SCG5: variants seen among roughly 807,000 people sequenced by gnomAD.
The protein encoded by SCG5 is secretogranin V.
A neutral mutation model predicts 25.7 loss-of-function variants in SCG5; 18 were observed. The ratio of observed to expected loss-of-function variants is 0.70; its 90% CI spans 0.48 to 1.04. The LOEUF (loss-of-function observed/expected upper bound fraction) is 1.04. Ranked by LOEUF, SCG5 falls within the 50% of genes least tolerant of loss-of-function variation. The probability of loss-of-function intolerance (pLI) is 0.00; values close to 1 mark genes in which losing one functional copy is unlikely to be tolerated. For missense variants in SCG5, 206 were observed against 259.8 expected (o/e 0.79, Z 1.42); for synonymous variants, 101 against 91.7 (o/e 1.10, Z -0.58).
intron 2 of SCG5, among the ~76,000 whole-genome samples, chr15:32,654,614 T>C (rs1001813624): frequency 4.6e-5 from 7 of 152,190 alleles, no homozygotes; most frequent in Middle Eastern, 3.2e-3. Context: ...TGATCCTCAC[T>C]CCTGGGCTCA....
chr15:32,696,206 CT>C (rs1440451573), intron 5 of SCG5, among the ~76,000 whole-genome samples: 3 of 152,156 alleles, frequency 2.0e-5, no homozygotes, highest in African/African-American at 7.2e-5. Context: ...CAAGCTCCGC[CT>C]CCCGGGTTCA....
intron 5 of SCG5, among the ~76,000 whole-genome samples, chr15:32,692,541 G>T (rs1025823415): frequency 6.6e-6 from 1 of 152,124 alleles, no homozygotes; most frequent in Non-Finnish European, 1.5e-5. Context: ...TAGTCAGAAG[G>T]GCCTGGCCAC....
At chr15:32,653,272 A>G (rs902144773) in intron 2 of SCG5, among the ~76,000 whole-genome samples, 2 of 152,228 alleles carry the variant, frequency 1.3e-5, no homozygotes, top group Admixed American at 1.3e-4. Flanking sequence ...TCTTTAGTCC[A>G]TTCCTTAAAT....
At chr15:32,673,972 G>C (rs904994204) in intron 2 of SCG5, among the ~76,000 whole-genome samples, 2 of 152,106 alleles carry the variant, frequency 1.3e-5, no homozygotes, top group Non-Finnish European at 2.9e-5. Flanking sequence ...ACCCGCCTCT[G>C]CCTCCCAAAG....
intron 5 of SCG5, among the ~76,000 whole-genome samples, chr15:32,692,466 T>C (rs1215818239): frequency 6.6e-6 from 1 of 152,166 alleles, no homozygotes; most frequent in Non-Finnish European, 1.5e-5. Flanking sequence ...CTTTCCAGGG[T>C]ATTTTATAGC....
At chr15:32,671,555 A>G (rs16964074) in intron 2 of SCG5, among the ~76,000 whole-genome samples, 31,777 of 151,950 alleles carry the variant, frequency 0.21, 3,545 homozygotes, top group African/African-American at 0.26. Context: ...TGTGGAGACA[A>G]TAGCGTGTGG....
chr15:32,645,803 A>G (rs1260757044), intron 2 of SCG5, among the ~76,000 whole-genome samples: 1 of 152,154 alleles, frequency 6.6e-6, no homozygotes, highest in Non-Finnish European at 1.5e-5. Flanking sequence ...CCTTGGAATA[A>G]TGTGCTTAAC....
At chr15:32,657,211 A>ATATATG (rs1555433850) in intron 2 of SCG5, among the ~76,000 whole-genome samples, 3 of 102,468 alleles carry the variant, frequency 2.9e-5, no homozygotes, top group African/African-American at 1.0e-4. Flanking sequence ...ATATATATAT[A>ATATATG]TGTATGTATT....
intron 2 of SCG5, among the ~76,000 whole-genome samples, chr15:32,649,592 G>A (rs888573804): frequency 6.6e-6 from 1 of 152,064 alleles, no homozygotes; most frequent in Non-Finnish European, 1.5e-5. Context: ...CCAGCCTCCT[G>A]GTCGTTAATA....
rs1555434474 is a variant in SCG5, at chr15:32,663,079, A to ATATAAT, written c.227-16687_227-16686insTATAAT. 2.6e-4 allele frequency among the ~76,000 whole-genome samples: 17 copies of ATATAAT among 66,002 alleles called. No individual in the cohort carries two copies. The East Asian group carries it at 5.4e-3, about 21-fold the overall frequency. 43.3% of individuals were successfully genotyped at this position (66,002 alleles called of 152,430 possible). A position where few individuals can be genotyped will look rare whatever the true frequency, so the allele number is the denominator to read the frequency against. On this transcript the variant is annotated intron_variant, in intron 2 of 5. Transcript: ENST00000300175. The stretch of plus-strand genomic sequence containing the variant: ...TATATATATATATATATATATATAT[A>ATATAAT]ATATATAATATGTTATATATACACA...
chr15:32,643,840 T>C, intron 2 of SCG5, 22 bp downstream of exon 2: 4 of 1,594,894 alleles, frequency 2.5e-6, no homozygotes, highest in Non-Finnish European at 3.4e-6. Flanking sequence ...GTTCTGATGG[T>C]TTGAAGTTTC....
At chr15:32,655,894 T>C (rs572434834) in intron 2 of SCG5, among the ~76,000 whole-genome samples, 58 of 152,326 alleles carry the variant, frequency 3.8e-4, no homozygotes, top group African/African-American at 1.3e-3. Context: ...GTCTAAAGTA[T>C]TTTTTACAGC....
intron 3 of SCG5, among the ~76,000 whole-genome samples, chr15:32,682,616 T>A (rs2054639827): frequency 1.3e-5 from 2 of 152,238 alleles, no homozygotes; most frequent in Admixed American, 1.3e-4. Flanking sequence ...TGTCACAGGT[T>A]GTCTGCCATT....
intron 2 of SCG5, among the ~76,000 whole-genome samples, chr15:32,662,346 G>A (rs568459612): frequency 6.6e-6 from 1 of 152,238 alleles, no homozygotes; most frequent in South Asian, 2.1e-4. Context: ...GTTTGTGGGT[G>A]TCTTGTCTCA....
At chr15:32,663,037 ATATATATATAT>A in intron 2 of SCG5, among the ~76,000 whole-genome samples, 1 of 8,296 alleles carries the variant, frequency 1.2e-4, no homozygotes, top group South Asian at 4.0e-3. Context: ...AAAAGAATAT[ATATATATATAT>A]ATATATATAT....
At chr15:32,692,632 T>C (rs1165258221) in intron 5 of SCG5, among the ~76,000 whole-genome samples, 3 of 152,190 alleles carry the variant, frequency 2.0e-5, no homozygotes, top group Non-Finnish European at 1.5e-5. Context: ...TATGAGATAG[T>C]GACCATTTTA....
chr15:32,696,443 T>C (rs2054965409), intron 5 of SCG5, 71 bp from the exon 6 acceptor site: 1 of 1,109,408 alleles, frequency 9.0e-7, no homozygotes, highest in African/African-American at 1.5e-5. Flanking sequence ...TTCATTTCTT[T>C]TCTGAGATGT....
Position 32,689,485 on chromosome 15 carries a change from T to G in SCG5, c.490-2225T>G, listed in dbSNP as rs370446320. 5.3e-5 allele frequency among the ~76,000 whole-genome samples: 8 copies of G among 152,288 alleles called. No homozygotes were observed. In the South Asian group the frequency reaches 1.0e-3, roughly 20 times the overall value. ...TCCCTGGCTGTATTTAGGAGTGTAA[T>G]TTGAAACCAGGATCTGGACAGTTGT... is the stretch of plus-strand genomic sequence containing the variant. On this transcript the variant is annotated intron_variant, in intron 4 of 5. Coordinates refer to ENST00000300175, the MANE Select transcript of SCG5 (RefSeq NM_001144757.3).
intron 5 of SCG5, among the ~76,000 whole-genome samples, chr15:32,693,598 G>T (rs1049367243): frequency 1.3e-5 from 2 of 152,140 alleles, no homozygotes; most frequent in East Asian, 3.9e-4. Context: ...TCAATATAAA[G>T]AAACTATACG....
Sources: allele counts gnomAD v4.1 joint callset (sites outside exome capture counted in the v4.1 genomes callset), GRCh38; gene constraint gnomAD v4.1.1; transcripts MANE v1.5; gene names NCBI Gene and HGNC (gene_info 2026-07-23, HGNC 2026-07-21).